Variants in KCNQ1 observed in about 807,000 individuals in gnomAD.
KCNQ1 encodes the protein potassium voltage-gated channel subfamily Q member 1, also known as potassium voltage-gated channel subfamily KQT member 1.
A neutral mutation model predicts 72.4 loss-of-function variants in KCNQ1; 49 were observed. That is an observed-to-expected ratio of 0.68 (90% CI 0.54 to 0.86). KCNQ1 has a LOEUF of 0.86. Among genes scored for constraint, KCNQ1 ranks in the 40% least tolerant of loss-of-function variants. The pLI is 0.00. For synonymous variants in KCNQ1, 450 were observed against 412.6 expected, an observed-to-expected ratio of 1.09 and a Z score of -1.10; for missense variants, 790 against 945.1, an observed-to-expected ratio of 0.84 and a Z score of 2.15.
rs16928297 is a variant in KCNQ1 at position 2,464,890 on chromosome 11, T to G, written c.386+19406T>G. On this transcript the variant is annotated intron_variant, in intron 1 of 15. Coordinates refer to ENST00000155840, the MANE Select transcript of KCNQ1 (RefSeq NM_000218.3). The surrounding 1 kb of genome is among the most constrained non-coding windows in gnomAD (Gnocchi z 5.0). ...TCCTGTGTGTTAAGGTAGTTCAAAG[T>G]CCTCCTGCCCGAGGAAGTAAGACAG... Among the ~76,000 whole-genome samples, 49,179 of 151,828 alleles carry G rather than the reference T, an allele frequency of 0.32. 9,520 individuals are homozygous for G. The highest frequency in any genetic ancestry group is 0.53 in the African/African-American group (21,775 of 41,380).
intron 1 of KCNQ1, among the ~76,000 whole-genome samples, chr11:2,470,757 C>G (rs1002472103): frequency 6.6e-6 from 1 of 151,540 alleles, no homozygotes; most frequent in Non-Finnish European, 1.5e-5. Flanking sequence ...CCAGACTGGT[C>G]TCAAAACCCT....
chr11:2,617,267 C>T lies in KCNQ1; in HGVS notation c.1393+28413C>T, dbSNP rs558782617. On this transcript the variant is annotated intron_variant, in intron 10 of 15. Coordinates refer to ENST00000155840, the MANE Select transcript of KCNQ1 (RefSeq NM_000218.3). The surrounding 1 kb of genome is among the most constrained non-coding windows in gnomAD (Gnocchi z 4.6). ...TGCCCATGGTAACCACTAGTTTATT[C>T]TATCTCTGTATATTTGACTTTTTTC... 37 of 398,380 alleles carry T rather than the reference C, an allele frequency of 9.3e-5. 1 individual carries two copies. Among genetic ancestry groups the T allele is most frequent in the African/African-American group, 7.4e-4 (36 of 48,706 alleles). The allele number at this position is 398,380 out of a possible 1,614,324, so 24.7% of individuals were successfully genotyped here. A position where few individuals can be genotyped will look rare whatever the true frequency, so the allele number is the denominator to read the frequency against.
In KCNQ1 at chr11:2,724,767, G is replaced by T. The variant is rs1002978309; in HGVS notation, c.1515-44077G>T. Among the ~76,000 whole-genome samples the T allele has an allele frequency of 1.3e-5, 2 of 152,192 alleles. No homozygotes were observed. Among genetic ancestry groups the T allele is most frequent in the African/African-American group, 4.8e-5 (2 of 41,454 alleles). ...AACCAGGGCTCAGAGTTGGGGGAAGGGGCCAGTTCACCCACAGAGGGTGGA... is the reference window on the plus strand; with the variant it reads ...AACCAGGGCTCAGAGTTGGGGGAAGTGGCCAGTTCACCCACAGAGGGTGGA... On this transcript the variant is annotated intron_variant, in intron 11 of 15. Transcript: ENST00000155840. The surrounding 1 kb of genome is among the most constrained non-coding windows in gnomAD (Gnocchi z 6.8).
At chr11:2,751,234 A>G (rs1045877245) in intron 11 of KCNQ1, among the ~76,000 whole-genome samples, 2 of 151,642 alleles carry the variant, frequency 1.3e-5, no homozygotes, top group African/African-American at 4.9e-5. Context: ...CCTCATCCAC[A>G]CCTTTCTTTC....
intron 2 of KCNQ1, among the ~76,000 whole-genome samples, chr11:2,546,934 C>G (rs940320576): frequency 7.9e-5 from 12 of 152,114 alleles, no homozygotes; most frequent in African/African-American, 2.9e-4. Flanking sequence ...TTCTTTTTAT[C>G]ATTGTTAGCA....
At position 2,815,062 on chromosome 11, in the gene KCNQ1, C is replaced by G. The variant is rs1847586922; in HGVS notation, c.1795-32705C>G. ...AGGAGTTGTCCTAGCAACCATCATC[C>G]AGGCACCTGCTGCGTGCTGAGCACC... On this transcript the variant is annotated intron_variant, in intron 15 of 15. Transcript: ENST00000155840. The surrounding 1 kb of genome is among the most constrained non-coding windows in gnomAD (Gnocchi z 5.4). 6.6e-6 allele frequency among the ~76,000 whole-genome samples: 1 copy of G among 152,244 alleles called. No individual in the cohort carries two copies. The highest frequency in any genetic ancestry group is 1.5e-5 in the Non-Finnish European group (1 of 68,038).
At position 2,815,265 on chromosome 11, in the gene KCNQ1, C is replaced by A. The variant is rs1847590851; in HGVS notation, c.1795-32502C>A. On this transcript the variant is annotated intron_variant, in intron 15 of 15. Transcript: ENST00000155840. The surrounding 1 kb of genome is among the most constrained non-coding windows in gnomAD (Gnocchi z 5.4). ...CTTGGGGGTGTCTAGGCTGCCACCACAGCATCCACACTCCCCACTAGAGCC... is the reference window on the plus strand; with the variant it reads ...CTTGGGGGTGTCTAGGCTGCCACCAAAGCATCCACACTCCCCACTAGAGCC... Among the ~76,000 whole-genome samples, 1 of 152,158 alleles carries A rather than the reference C, an allele frequency of 6.6e-6. No homozygotes were observed. Among genetic ancestry groups the A allele is most frequent in the African/African-American group, 2.4e-5 (1 of 41,436 alleles).
rs1036317655 is a variant in KCNQ1, at chr11:2,564,298, A to G, written c.478-6330A>G. Among the ~76,000 whole-genome samples the G allele has an allele frequency of 1.3e-5, 2 of 152,180 alleles. No homozygotes were observed. Among genetic ancestry groups the G allele is most frequent in the Admixed American group, 1.3e-4 (2 of 15,288 alleles). On this transcript the variant is annotated intron_variant, in intron 2 of 15. Transcript: ENST00000155840. The surrounding 1 kb of genome is among the most constrained non-coding windows in gnomAD (Gnocchi z 4.5). ...GACAAACATGTTCTTTTTAAACATTATGGTGAAATATAAGGCCAGGCGCGG... is the reference window on the plus strand; with the variant it reads ...GACAAACATGTTCTTTTTAAACATTGTGGTGAAATATAAGGCCAGGCGCGG...
At chr11:2,699,841 C>T (rs1850761897) in intron 11 of KCNQ1, 3 of 395,998 alleles carry the variant, frequency 7.6e-6, no homozygotes, top group Admixed American at 4.4e-5. Context: ...AGGAGGACCG[C>T]GCTGAGGGGC....
chr11:2,517,858 C>T (rs1847314406), intron 1 of KCNQ1, among the ~76,000 whole-genome samples: 1 of 152,216 alleles, frequency 6.6e-6, no homozygotes, highest in Non-Finnish European at 1.5e-5. Context: ...TGGCATGCAG[C>T]CTGGGGGTGA....
chr11:2,587,445 C>A, intron 8 of KCNQ1, 125 bp from the exon 9 acceptor site: 1 of 1,405,792 alleles, frequency 7.1e-7, no homozygotes, highest in Non-Finnish European at 9.8e-7. Context: ...CTCTGAGGTC[C>A]CAGACCCTGC....
Position 2,515,599 on chromosome 11 carries a change from T to C in KCNQ1, c.387-12329T>C, listed in dbSNP as rs1847275908. On this transcript the variant is annotated intron_variant, in intron 1 of 15. Transcript: ENST00000155840. This position sits in a 1 kb window ranked among gnomAD's most constrained non-coding sequence, Gnocchi z 4.7. Reference sequence around the variant, plus strand: ...ATTTCTGGGGTGGGGGGTGCACAGGTGCATCTGGTCTGCCCAGCCCCTCCT... The same window carrying C: ...ATTTCTGGGGTGGGGGGTGCACAGGCGCATCTGGTCTGCCCAGCCCCTCCT... Among the ~76,000 whole-genome samples the C allele has an allele frequency of 1.3e-5, 2 of 152,024 alleles. No homozygotes were observed. Among genetic ancestry groups the C allele is most frequent in the African/African-American group, 2.4e-5 (1 of 41,394 alleles).
chr11:2,622,616 A>G (rs1011169081), intron 10 of KCNQ1: 4 of 398,270 alleles, frequency 1.0e-5, no homozygotes, highest in African/African-American at 4.1e-5. Context: ...TAAATACAAC[A>G]TTTCCTCCCT....
At chr11:2,637,592 C>A (rs1159519213) in intron 10 of KCNQ1, 1 of 152,192 alleles carries the variant, frequency 6.6e-6, no homozygotes, top group East Asian at 1.9e-4. Context: ...CTGAGGAGTG[C>A]TTTACTTCCA....
intron 11 of KCNQ1, among the ~76,000 whole-genome samples, chr11:2,741,293 G>A (rs1846045420): frequency 1.3e-5 from 2 of 152,210 alleles, no homozygotes; most frequent in Non-Finnish European, 2.9e-5. Flanking sequence ...GTGACTGTGT[G>A]GCCCAGGCAG....
intron 6 of KCNQ1, among the ~76,000 whole-genome samples, chr11:2,580,200 GC>G (rs1848478557): frequency 6.6e-6 from 1 of 151,826 alleles, no homozygotes; most frequent in Non-Finnish European, 1.5e-5. Flanking sequence ...TTGCCGCCCA[GC>G]CCCCCTCAGG....
intron 11 of KCNQ1, chr11:2,666,247 G>GGGA: frequency 2.5e-6 from 1 of 398,572 alleles, no homozygotes; most frequent in East Asian, 3.6e-5. Context: ...ATGGGCATGG[G>GGGA]GGAGGACCAG....
At chr11:2,696,478 G>A (rs187064875) in intron 11 of KCNQ1, 75 of 398,636 alleles carry the variant, frequency 1.9e-4, no homozygotes, top group East Asian at 7.5e-4. Context: ...TGAAGTTGGC[G>A]TGTGCCCTGG....
At chr11:2,694,381 C>T in intron 11 of KCNQ1, 1 of 398,644 alleles carries the variant, frequency 2.5e-6, no homozygotes. Flanking sequence ...GCTATCATGA[C>T]TATGGGAGAA....
Sources: allele counts gnomAD v4.1 joint callset (sites outside exome capture counted in the v4.1 genomes callset), GRCh38; gene constraint gnomAD v4.1.1; non-coding constraint Gnocchi (gnomAD v3.1); transcripts MANE v1.5; gene names NCBI Gene and HGNC (gene_info 2026-07-23, HGNC 2026-07-21).